The following TMEM255B variants were observed in gnomAD, a reference collection of about 807,000 sequenced individuals.
The protein encoded by TMEM255B is family with sequence similarity 70, member B.
A neutral mutation model predicts 34.5 loss-of-function variants in TMEM255B; 35 were observed. That is an observed-to-expected ratio of 1.01 (90% CI 0.77 to 1.34). The LOEUF is 1.34. Among genes scored for constraint, TMEM255B ranks in the 40% most tolerant of loss-of-function variants. The probability of loss-of-function intolerance (pLI) is 0.00; values close to 1 mark genes in which losing one functional copy is unlikely to be tolerated. For missense variants in TMEM255B, 432 were observed against 433.2 expected (o/e 1.00, Z 0.02); for synonymous variants, 206 against 201.2 (o/e 1.02, Z -0.20).
At chr13:113,777,928 C>G (rs1413342141) in intron 3 of TMEM255B, among the ~76,000 whole-genome samples, 1 of 152,200 alleles carries the variant, frequency 6.6e-6, no homozygotes, top group African/African-American at 2.4e-5. Flanking sequence ...TGGTGCTGGG[C>G]AGTGCTGCGT....
At chr13:113,779,594 A>C (rs372774827) in intron 3 of TMEM255B, among the ~76,000 whole-genome samples, 251 of 151,920 alleles carry the variant, frequency 1.7e-3, no homozygotes, top group African/African-American at 5.8e-3. Context: ...TAGGAGTGGA[A>C]GAGGTGGGTT....
chr13:113,776,657 C>G (rs2050583932), intron 3 of TMEM255B, among the ~76,000 whole-genome samples: 1 of 152,234 alleles, frequency 6.6e-6, no homozygotes, highest in African/African-American at 2.4e-5. Context: ...GCCTGGTTAG[C>G]AGGGGCTGGG....
chr13:113,774,589 A>AAATG (rs60202654), intron 3 of TMEM255B, among the ~76,000 whole-genome samples: 1 of 139,774 alleles, frequency 7.2e-6, no homozygotes, highest in Non-Finnish European at 1.6e-5. Context: ...CACACCACAC[A>AAATG]ACACACAAAT....
At chr13:113,810,311 A>T (rs1053696071) in intron 8 of TMEM255B, among the ~76,000 whole-genome samples, 41 of 152,176 alleles carry the variant, frequency 2.7e-4, no homozygotes, top group African/African-American at 9.7e-4. Context: ...TATTTATTTA[A>T]AATTTGATTA....
Position 113,812,141 on chromosome 13 carries a change from G to T in TMEM255B, c.*238G>T. 1 of 535,728 alleles carries T rather than the reference G, an allele frequency of 1.9e-6. No homozygotes were observed. The allele number at this position is 535,728 out of a possible 1,614,324, so 33.2% of individuals were successfully genotyped here. On this transcript the variant is annotated 3_prime_UTR_variant, in exon 9 of 9. Transcript: ENST00000375353. ...TTGGGCTCTGCTCACATCAAATGGC[G>T]CTGAAAGTTCCCACCCGGCCTCCTC...
At chr13:113,801,253 C>T (rs1256857314) in intron 6 of TMEM255B, among the ~76,000 whole-genome samples, 3 of 152,218 alleles carry the variant, frequency 2.0e-5, no homozygotes, top group Non-Finnish European at 2.9e-5. Flanking sequence ...GTGTGTCGGG[C>T]GAGAGTTTAA....
chr13:113,763,196 C>T lies in TMEM255B; in HGVS notation c.47-2919C>T, dbSNP rs998970271. ...AGTTAGGCTGCTCTGAAAATCGACACACAGCCCAATCCATAGATGGTGTTA... is the reference window on the plus strand; with the variant it reads ...AGTTAGGCTGCTCTGAAAATCGACATACAGCCCAATCCATAGATGGTGTTA... On this transcript the variant is annotated intron_variant, in intron 1 of 8. Coordinates refer to ENST00000375353, the MANE Select transcript of TMEM255B (RefSeq NM_182614.4). 8.5e-5 allele frequency among the ~76,000 whole-genome samples: 13 copies of T among 152,326 alleles called. No homozygotes were observed. The South Asian group carries it at 2.5e-3, about 29-fold the overall frequency.
intron 3 of TMEM255B, among the ~76,000 whole-genome samples, chr13:113,777,928 C>T (rs1413342141): frequency 1.3e-5 from 2 of 152,200 alleles, no homozygotes; most frequent in African/African-American, 4.8e-5. Flanking sequence ...TGGTGCTGGG[C>T]AGTGCTGCGT....
intron 3 of TMEM255B, among the ~76,000 whole-genome samples, chr13:113,780,552 G>T (rs73584240): frequency 6.6e-6 from 1 of 151,986 alleles, no homozygotes; most frequent in East Asian, 1.9e-4. Flanking sequence ...AACATTTTAA[G>T]CAAAATGTCA....
chr13:113,778,616 T>G (rs2050618251), intron 3 of TMEM255B, among the ~76,000 whole-genome samples: 2 of 151,544 alleles, frequency 1.3e-5, no homozygotes, highest in Admixed American at 6.6e-5. Context: ...AGTCTCGATT[T>G]CACCTGCTGT....
chr13:113,779,478 G>T (rs1410526322), intron 3 of TMEM255B, among the ~76,000 whole-genome samples: 1 of 151,706 alleles, frequency 6.6e-6, no homozygotes, highest in Non-Finnish European at 1.5e-5. Context: ...TGTTTTGGGG[G>T]CGTAGAGGGA....
Position 113,812,982 on chromosome 13 carries a change from T to C in TMEM255B, c.*1079T>C, listed in dbSNP as rs11616275. ...TCACGGGCCCCGGGTGGGTCACGGG[T>C]CCCGGGTGGGTCACGGGTCCCGAGT... On this transcript the variant is annotated 3_prime_UTR_variant, in exon 9 of 9. Coordinates refer to ENST00000375353, the MANE Select transcript of TMEM255B (RefSeq NM_182614.4). The C allele has an allele frequency of 0.56, 62,093 of 110,430 alleles. 17,660 individuals are homozygous for C. The highest frequency in any genetic ancestry group is 0.84 in the East Asian group (3,324 of 3,972). The allele number at this position is 110,430 out of a possible 1,614,324, so 6.8% of individuals were successfully genotyped here.
chr13:113,782,948 C>T (rs2050688024), intron 3 of TMEM255B, among the ~76,000 whole-genome samples: 1 of 152,144 alleles, frequency 6.6e-6, no homozygotes, highest in Non-Finnish European at 1.5e-5. Context: ...AGATGTTTGT[C>T]TTTTTGAATT....
At chr13:113,766,673 A>T (rs2050397191) in intron 2 of TMEM255B, among the ~76,000 whole-genome samples, 1 of 152,194 alleles carries the variant, frequency 6.6e-6, no homozygotes, top group Non-Finnish European at 1.5e-5. Flanking sequence ...GAAGGATTTT[A>T]CCCTGAGGGA....
At chr13:113,768,795 C>T (rs1219352431) in intron 2 of TMEM255B, 6 of 494,266 alleles carry the variant, frequency 1.2e-5, no homozygotes, top group East Asian at 5.6e-5. Flanking sequence ...CCTGGGTTCC[C>T]GAAAAGATGT....
intron 8 of TMEM255B, among the ~76,000 whole-genome samples, chr13:113,808,997 G>C (rs940422938): frequency 5.5e-5 from 8 of 144,340 alleles, no homozygotes; most frequent in Non-Finnish European, 3.0e-5. Context: ...TGGTTCCTGG[G>C]GCTTTACTCC....
rs763803212 is a variant in TMEM255B, at chr13:113,795,199, T to C, written c.304T>C (p.Cys102Arg). Residue 102 changes from cysteine to arginine, a missense_variant, in exon 4 of 9, where the codon TGC becomes CGC. By Grantham distance (180) the Cys-to-Arg change is radical (BLOSUM62 -3). Transcript: ENST00000375353. ...ISFGVVAAFC[C>R]AIVDGVFAAQ... ...TTTTGGCGTGGTGGCCGCCTTCTGC[T>C]GCGCCATCGTGGACGGCGTATTTGC... 3.1e-6 allele frequency: 5 copies of C among 1,613,974 alleles called. No homozygotes were observed. The South Asian group carries it at 3.3e-5, about 11-fold the overall frequency.
chr13:113,772,287 A>G (rs147476853), intron 3 of TMEM255B, among the ~76,000 whole-genome samples: 15 of 152,298 alleles, frequency 9.8e-5, no homozygotes, highest in African/African-American at 3.1e-4. Flanking sequence ...CATTCTGTAC[A>G]TTGCCGTTTC....
At chr13:113,783,431 A>G (rs1472317594) in intron 3 of TMEM255B, among the ~76,000 whole-genome samples, 2 of 152,182 alleles carry the variant, frequency 1.3e-5, no homozygotes, top group Admixed American at 6.5e-5. Context: ...GCTCCTTTTC[A>G]TCAGGAGTGA....
Sources: allele counts gnomAD v4.1 joint callset (sites outside exome capture counted in the v4.1 genomes callset), GRCh38; gene constraint gnomAD v4.1.1; transcripts MANE v1.5; gene names NCBI Gene and HGNC (gene_info 2026-07-23, HGNC 2026-07-21).